Variants in PRLR observed in about 807,000 individuals in gnomAD.
PRLR encodes the protein hPRL receptor.
Under a neutral mutation model 40.2 loss-of-function variants are expected in PRLR, and 13 were observed. The observed-to-expected ratio is 0.32, with a 90% CI of 0.21 to 0.51. The LOEUF is 0.51. Ranked by LOEUF, PRLR falls within the 20% of genes least tolerant of loss-of-function variation. PRLR has a pLI of 0.97. For synonymous variants in PRLR, 269 were observed against 278.7 expected, an observed-to-expected ratio of 0.97 and a Z score of 0.35; for missense variants, 656 against 747.3, an observed-to-expected ratio of 0.88 and a Z score of 1.42.
chr5:35,132,103 A>G (rs528939348), intron 1 of PRLR, among the ~76,000 whole-genome samples: 2 of 152,304 alleles, frequency 1.3e-5, no homozygotes, highest in East Asian at 3.9e-4. Context: ...GTATCCCCAG[A>G]AAAGTCACTT....
intron 1 of PRLR, among the ~76,000 whole-genome samples, chr5:35,212,981 AAG>A (rs1323726505): frequency 6.6e-6 from 1 of 152,190 alleles, no homozygotes; most frequent in Non-Finnish European, 1.5e-5. Flanking sequence ...TTCACCCACA[AAG>A]AGAAAGTCTC....
intron 2 of PRLR, among the ~76,000 whole-genome samples, chr5:35,104,787 C>T (rs907559227): frequency 1.4e-5 from 2 of 144,646 alleles, no homozygotes; most frequent in African/African-American, 5.8e-5. Flanking sequence ...TACTCCACCA[C>T]TGGGGGCAGG....
At chr5:35,171,807 G>A (rs1377702738) in intron 1 of PRLR, among the ~76,000 whole-genome samples, 1 of 152,040 alleles carries the variant, frequency 6.6e-6, no homozygotes, top group Non-Finnish European at 1.5e-5. Flanking sequence ...TCTTGCCTAG[G>A]GACCACTGTG....
chr5:35,133,198 T>G (rs1414033587), intron 1 of PRLR, among the ~76,000 whole-genome samples: 1 of 152,196 alleles, frequency 6.6e-6, no homozygotes, highest in East Asian at 1.9e-4. Flanking sequence ...TTCTCAGGCC[T>G]TCAGAATAAG....
At chr5:35,096,998 T>C (rs1393267504) in intron 2 of PRLR, among the ~76,000 whole-genome samples, 1 of 152,202 alleles carries the variant, frequency 6.6e-6, no homozygotes, top group Non-Finnish European at 1.5e-5. Flanking sequence ...TGGAAGGACA[T>C]GGGCATTTTA....
At chr5:35,204,782 A>ATC (rs1436107186) in intron 1 of PRLR, among the ~76,000 whole-genome samples, 1 of 152,160 alleles carries the variant, frequency 6.6e-6, no homozygotes, top group African/African-American at 2.4e-5. Context: ...TGTCTTATGC[A>ATC]TCTCTATATG....
At chr5:35,086,428 C>T in intron 3 of PRLR, 88 bp from the exon 4 acceptor site, 1 of 1,508,130 alleles carries the variant, frequency 6.6e-7, no homozygotes. Context: ...GATTGATGGA[C>T]CAAAGCCAGC....
At chr5:35,053,427 C>G (rs149677436), downstream of PRLR, among the ~76,000 whole-genome samples, 1 of 152,098 alleles carries the variant, frequency 6.6e-6, no homozygotes, top group East Asian at 1.9e-4. Context: ...CCGAGGCCGG[C>G]GGATCACCTG....
intron 1 of PRLR, among the ~76,000 whole-genome samples, chr5:35,146,506 T>C (rs1321642598): frequency 6.6e-6 from 1 of 152,230 alleles, no homozygotes; most frequent in Non-Finnish European, 1.5e-5. Flanking sequence ...CATGGGTGGC[T>C]GCCTTACTTC....
chr5:35,104,142 G>A (rs1772071435), intron 2 of PRLR, among the ~76,000 whole-genome samples: 2 of 152,218 alleles, frequency 1.3e-5, no homozygotes, highest in Middle Eastern at 3.4e-3. Context: ...AATGAAGGAT[G>A]AGTAACCAGG....
chr5:35,173,462 A>AC (rs1476333832), intron 1 of PRLR, among the ~76,000 whole-genome samples: 1 of 152,064 alleles, frequency 6.6e-6, no homozygotes, highest in Non-Finnish European at 1.5e-5. Context: ...GGTCTTCAGG[A>AC]CCCCGCACAG....
At chr5:35,169,909 T>C (rs1381303478) in intron 1 of PRLR, among the ~76,000 whole-genome samples, 1 of 152,216 alleles carries the variant, frequency 6.6e-6, no homozygotes. Flanking sequence ...CTCTCCAAAT[T>C]CATCTACAGC....
chr5:35,225,937 C>A (rs1207649968), intron 1 of PRLR, among the ~76,000 whole-genome samples: 2 of 152,208 alleles, frequency 1.3e-5, no homozygotes, highest in Non-Finnish European at 2.9e-5. Flanking sequence ...CCGCCTCGGC[C>A]TCCTAAAGTG....
intron 1 of PRLR, among the ~76,000 whole-genome samples, chr5:35,135,001 T>C (rs190853771): frequency 2.0e-5 from 3 of 152,260 alleles, no homozygotes; most frequent in East Asian, 1.9e-4. Context: ...ATGTTTTTTT[T>C]CCCCTTTTAA....
intron 1 of PRLR, among the ~76,000 whole-genome samples, chr5:35,211,964 G>C (rs113862306): frequency 1.3e-4 from 20 of 152,296 alleles, no homozygotes; most frequent in African/African-American, 4.3e-4. Context: ...GTCTATGGCT[G>C]CTTTTGTGTG....
chr5:35,175,666 G>T (rs1447786017), intron 1 of PRLR, among the ~76,000 whole-genome samples: 1 of 152,190 alleles, frequency 6.6e-6, no homozygotes, highest in Non-Finnish European at 1.5e-5. Flanking sequence ...AAACTGTTCT[G>T]CAAGTGATGC....
intron 1 of PRLR, among the ~76,000 whole-genome samples, chr5:35,222,664 C>T (rs1561372812): frequency 6.6e-6 from 1 of 152,132 alleles, no homozygotes; most frequent in Admixed American, 6.5e-5. Context: ...GACACTGATT[C>T]ATTCATGTAA....
At chr5:35,172,854 G>C (rs957830725) in intron 1 of PRLR, among the ~76,000 whole-genome samples, 6 of 152,138 alleles carry the variant, frequency 3.9e-5, no homozygotes, top group Non-Finnish European at 5.9e-5. Context: ...AAATTTTATA[G>C]TATTTATTTA....
intron 1 of PRLR, among the ~76,000 whole-genome samples, chr5:35,140,070 A>C (rs976709492): frequency 6.6e-5 from 10 of 152,194 alleles, no homozygotes; most frequent in Non-Finnish European, 1.5e-4. Context: ...CTTTTAAGAA[A>C]ATTAAATTAA....
Sources: allele counts gnomAD v4.1 joint callset (sites outside exome capture counted in the v4.1 genomes callset), GRCh38; gene constraint gnomAD v4.1.1; transcripts MANE v1.5; gene names NCBI Gene and HGNC (gene_info 2026-07-23, HGNC 2026-07-21).